RAD54B: variants seen among roughly 807,000 people sequenced by gnomAD.
The protein encoded by RAD54B is RAD54 homolog B, also known as DNA repair and recombination protein RAD54B.
In RAD54B, 78 loss-of-function variants were observed where a neutral mutation model predicts 95.8. That is an observed-to-expected ratio of 0.81 (90% CI 0.68 to 0.98). The LOEUF (loss-of-function observed/expected upper bound fraction) is 0.98. Ranked by LOEUF, RAD54B falls within the 50% of genes least tolerant of loss-of-function variation. RAD54B has a pLI of 0.00. For synonymous variants in RAD54B, 328 were observed against 354.9 expected, an observed-to-expected ratio of 0.92 and a Z score of 0.85; for missense variants, 957 against 1,056.6, an observed-to-expected ratio of 0.91 and a Z score of 1.31.
intron 14 of RAD54B, among the ~76,000 whole-genome samples, chr8:94,376,913 C>T (rs938112252): frequency 6.6e-6 from 1 of 151,682 alleles, no homozygotes; most frequent in African/African-American, 2.4e-5. Context: ...TATATAAAAT[C>T]TAAATTCTTC....
chr8:94,385,923 G>A (rs1810879813), intron 11 of RAD54B, among the ~76,000 whole-genome samples: 1 of 152,092 alleles, frequency 6.6e-6, no homozygotes, highest in South Asian at 2.1e-4. Flanking sequence ...AGATGAGGCT[G>A]GAAAAGGAGG....
chr8:94,467,883 T>G (rs931253449), intron 1 of RAD54B: 1 of 170,184 alleles, frequency 5.9e-6, no homozygotes, highest in African/African-American at 2.4e-5. Context: ...GAGTTGTTTT[T>G]CAGAAATCCA....
rs3136404 is a variant in RAD54B at position 94,436,943 on chromosome 8, A to T, written c.304+21325T>A. 28 of 1,450,926 alleles carry T rather than the reference A, an allele frequency of 1.9e-5. 1 individual carries two copies. The Middle Eastern group carries it at 7.4e-4, about 38-fold the overall frequency. The allele number at this position is 1,450,926 out of a possible 1,614,324, so 89.9% of individuals were successfully genotyped here. ...CAGCTCTGCTCAGCTCTTTTCACAA[A>T]CAGAAAAAGATCAGGCTTAACTAGG... On this transcript the variant is annotated intron_variant, in intron 3 of 14. Transcript: ENST00000336148.
At chr8:94,451,684 A>T (rs933798276) in intron 3 of RAD54B, among the ~76,000 whole-genome samples, 2 of 152,304 alleles carry the variant, frequency 1.3e-5, no homozygotes, top group African/African-American at 2.4e-5. Context: ...TGTGTAAACT[A>T]AAACTAATTA....
intron 2 of RAD54B, among the ~76,000 whole-genome samples, chr8:94,460,479 A>C (rs1405647609): frequency 2.0e-5 from 3 of 152,240 alleles, no homozygotes; most frequent in Non-Finnish European, 2.9e-5. Flanking sequence ...TCAAAAAATA[A>C]AAATAAAAAA....
At chr8:94,374,075 C>T (rs1017511586) in intron 14 of RAD54B, among the ~76,000 whole-genome samples, 6 of 152,184 alleles carry the variant, frequency 3.9e-5, no homozygotes, top group South Asian at 2.1e-4. Context: ...GTCAGGTGAT[C>T]GAGACCATCC....
rs542081082 is a variant in RAD54B at position 94,379,600 on chromosome 8, A to G, written c.2247+545T>C. ...CTCAGTTGAGTCCTTCTAGTGAATC[A>G]TTAAACCTGAGGGTTGTCTTGGGAT... On this transcript the variant is annotated intron_variant, in intron 12 of 14. Coordinates refer to ENST00000336148, the MANE Select transcript of RAD54B (RefSeq NM_012415.3). Among the ~76,000 whole-genome samples, 4 of 152,206 alleles carry G rather than the reference A, an allele frequency of 2.6e-5. No individual in the cohort carries two copies. The South Asian group carries it at 8.3e-4, about 32-fold the overall frequency.
At chr8:94,383,144 A>G (rs902030995) in intron 11 of RAD54B, among the ~76,000 whole-genome samples, 8 of 151,980 alleles carry the variant, frequency 5.3e-5, no homozygotes, top group African/African-American at 1.9e-4. Flanking sequence ...TAAAAATAAA[A>G]AAAATTAGCA....
chr8:94,439,646 T>A (rs1245173885), intron 3 of RAD54B, among the ~76,000 whole-genome samples: 1 of 125,658 alleles, frequency 8.0e-6, no homozygotes, highest in Non-Finnish European at 1.6e-5. Flanking sequence ...AGAAATACAT[T>A]GGTTTAGTTC....
At position 94,386,126 on chromosome 8, in the gene RAD54B, G is replaced by T. The variant is rs539301398; in HGVS notation, c.1985+858C>A. Among the ~76,000 whole-genome samples the T allele has an allele frequency of 3.3e-5, 5 of 152,276 alleles. No individual in the cohort carries two copies. In the East Asian group the frequency reaches 7.7e-4, roughly 23 times the overall value. On this transcript the variant is annotated intron_variant, in intron 11 of 14. Coordinates refer to ENST00000336148, the MANE Select transcript of RAD54B (RefSeq NM_012415.3). ...AGTAAGAGGGAAGTAGCTTATAAGA[G>T]ATCATCATAACCCAAATCAGTAATT... is the stretch of plus-strand genomic sequence containing the variant.
intron 3 of RAD54B, among the ~76,000 whole-genome samples, chr8:94,414,872 C>A (rs897332639): frequency 7.2e-5 from 11 of 152,062 alleles, no homozygotes; most frequent in Non-Finnish European, 1.6e-4. Context: ...AAAGAGGATA[C>A]AAACAAATGG....
chr8:94,372,499 C>T (rs535788848), intron 14 of RAD54B, 112 bp from the exon 15 acceptor site: 1 of 1,480,168 alleles, frequency 6.8e-7, no homozygotes, highest in Non-Finnish European at 8.9e-7. Context: ...ATTTGATCAC[C>T]ATGGTTCAAG....
At chr8:94,441,496 T>C (rs1360215386) in intron 3 of RAD54B, among the ~76,000 whole-genome samples, 3 of 152,178 alleles carry the variant, frequency 2.0e-5, no homozygotes, top group Admixed American at 6.5e-5. Context: ...ATGTAAGAGA[T>C]GCATAGGGCA....
rs909499520 is a variant in RAD54B, at chr8:94,430,383, A to G, written c.305-19068T>C. The G allele has an allele frequency of 1.5e-5, 15 of 985,102 alleles. No individual in the cohort carries two copies. In the African/African-American group the frequency reaches 1.6e-4, roughly 10 times the overall value. 61.0% of individuals were successfully genotyped at this position (985,102 alleles called of 1,614,324 possible). On this transcript the variant is annotated intron_variant, in intron 3 of 14. Transcript: ENST00000336148. Reference sequence around the variant, plus strand: ...ACCATCATCCAAATTTATATCCCTCAGTTCACTTTCAACTACTCTTCGACA... The same window carrying G: ...ACCATCATCCAAATTTATATCCCTCGGTTCACTTTCAACTACTCTTCGACA...
intron 3 of RAD54B, among the ~76,000 whole-genome samples, chr8:94,456,946 C>T (rs943594476): frequency 2.6e-5 from 4 of 152,134 alleles, no homozygotes; most frequent in Non-Finnish European, 5.9e-5. Context: ...GAAAGGATTA[C>T]GGGATTAGGA....
At chr8:94,451,832 A>C (rs1397106025) in intron 3 of RAD54B, among the ~76,000 whole-genome samples, 2 of 152,122 alleles carry the variant, frequency 1.3e-5, no homozygotes, top group African/African-American at 4.8e-5. Flanking sequence ...AGACACGATG[A>C]CTAAATACAA....
chr8:94,427,928 C>G, intron 3 of RAD54B: 1 of 897,472 alleles, frequency 1.1e-6, no homozygotes. Flanking sequence ...TAGAATGACT[C>G]CTTAAAAAAA....
At chr8:94,383,071 T>G (rs1319378225) in intron 11 of RAD54B, among the ~76,000 whole-genome samples, 1 of 150,568 alleles carries the variant, frequency 6.6e-6, no homozygotes, top group Non-Finnish European at 1.5e-5. Context: ...CCAAGGGGGG[T>G]GGGTCACCTG....
chr8:94,473,696 G>A (rs561128765), intron 1 of RAD54B, among the ~76,000 whole-genome samples: 27 of 152,298 alleles, frequency 1.8e-4, no homozygotes, highest in Non-Finnish European at 3.1e-4. Context: ...AGAGAGGTAT[G>A]TGCAACCATC....
Sources: allele counts gnomAD v4.1 joint callset (sites outside exome capture counted in the v4.1 genomes callset), GRCh38; gene constraint gnomAD v4.1.1; transcripts MANE v1.5; gene names NCBI Gene and HGNC (gene_info 2026-07-23, HGNC 2026-07-21).